DSCAM: variants seen among roughly 807,000 people sequenced by gnomAD.
The protein encoded by DSCAM is cell adhesion molecule DSCAM.
DSCAM carries 47 observed loss-of-function variants against 217.7 expected under a neutral mutation model. That is an observed-to-expected ratio of 0.22 (90% confidence interval 0.17 to 0.28). DSCAM has a LOEUF of 0.28. Among genes scored for constraint, DSCAM ranks in the 10% least tolerant of loss-of-function variants. The pLI, the probability that DSCAM is intolerant of heterozygous loss-of-function variation, is 1.00. For missense variants in DSCAM, 2,080 were observed against 2,618.3 expected, an observed-to-expected ratio of 0.79 and a Z score of 4.49; for synonymous variants, 1,056 against 1,015.3, an observed-to-expected ratio of 1.04 and a Z score of -0.76.
At chr21:40,410,646 C>T (rs990685025) in intron 3 of DSCAM, among the ~76,000 whole-genome samples, 1 of 150,610 alleles carries the variant, frequency 6.6e-6, no homozygotes, top group Admixed American at 6.6e-5. Context: ...GGTTAAATTA[C>T]GAACAAATGA....
At chr21:40,018,325 G>GTTAA (rs1486079606) in intron 32 of DSCAM, among the ~76,000 whole-genome samples, 23 of 151,830 alleles carry the variant, frequency 1.5e-4, no homozygotes, top group Admixed American at 5.9e-4. Context: ...TAAACAAATT[G>GTTAA]TTAATTTTAT....
chr21:40,759,959 ATT>A (rs1450155515), intron 1 of DSCAM, among the ~76,000 whole-genome samples: 1 of 1,066 alleles, frequency 9.4e-4, no homozygotes, highest in African/African-American at 8.9e-3. Context: ...ATACGTTTAC[ATT>A]TATTTATTTA....
At chr21:40,310,361 C>T (rs897146841) in intron 9 of DSCAM, among the ~76,000 whole-genome samples, 11 of 152,214 alleles carry the variant, frequency 7.2e-5, no homozygotes, top group African/African-American at 2.7e-4. Flanking sequence ...ACCACAGTCC[C>T]ACATCACCTT....
intron 3 of DSCAM, among the ~76,000 whole-genome samples, chr21:40,628,463 CTGTT>C (rs1390204939): frequency 1.3e-5 from 2 of 152,170 alleles, no homozygotes; most frequent in Admixed American, 6.5e-5. Flanking sequence ...AACCAGCTCA[CTGTT>C]TGTTTTTGTA....
chr21:40,186,532 A>G (rs1157111837), intron 14 of DSCAM, among the ~76,000 whole-genome samples: 2 of 152,128 alleles, frequency 1.3e-5, no homozygotes, highest in Admixed American at 6.5e-5. Context: ...GAATGGGCAC[A>G]CCTGCAGCGG....
At chr21:40,148,728 C>T (rs1456944964) in intron 16 of DSCAM, among the ~76,000 whole-genome samples, 2 of 152,024 alleles carry the variant, frequency 1.3e-5, no homozygotes, top group Non-Finnish European at 2.9e-5. Flanking sequence ...TCACTACTAC[C>T]ATCTTTACCA....
At chr21:40,286,836 A>G (rs1044478574) in intron 10 of DSCAM, among the ~76,000 whole-genome samples, 6 of 1,980 alleles carry the variant, frequency 3.0e-3, no homozygotes, top group African/African-American at 0.011. Flanking sequence ...TGTGATCTGC[A>G]GTATGATCTG....
intron 1 of DSCAM, among the ~76,000 whole-genome samples, chr21:40,790,692 T>A (rs1158914343): frequency 6.6e-6 from 1 of 152,162 alleles, no homozygotes; most frequent in African/African-American, 2.4e-5. Flanking sequence ...GAGAATGTTG[T>A]CTCTAGTGTA....
At chr21:40,828,633 C>A (rs891204810) in intron 1 of DSCAM, among the ~76,000 whole-genome samples, 1 of 149,936 alleles carries the variant, frequency 6.7e-6, no homozygotes, top group African/African-American at 2.5e-5. Flanking sequence ...CATCCTCCCT[C>A]AGGAACCAGG....
Position 40,176,053 on chromosome 21 carries a change from A to C in DSCAM, c.2947+2874T>G, listed in dbSNP as rs73362188. 1.3e-3 allele frequency among the ~76,000 whole-genome samples: 198 copies of C among 152,008 alleles called. 1 individual carries two copies. The highest frequency in any genetic ancestry group is 2.1e-3 in the Non-Finnish European group (140 of 67,974). On this transcript the variant is annotated intron_variant, in intron 15 of 32. Transcript: ENST00000400454. ...CATGAAGACATGATGATACACCTCA[A>C]AGGCTACTGTCAGCAAAATCCCTCC...
At chr21:40,381,019 T>C (rs149404271) in intron 3 of DSCAM, among the ~76,000 whole-genome samples, 18,705 of 132,580 alleles carry the variant, frequency 0.14, 1,426 homozygotes, top group Admixed American at 0.32. Flanking sequence ...GCCGAGATCG[T>C]GCCACTGCAC....
chr21:40,794,231 G>C (rs1308889505), intron 1 of DSCAM, among the ~76,000 whole-genome samples: 1 of 152,116 alleles, frequency 6.6e-6, no homozygotes, highest in Non-Finnish European at 1.5e-5. Flanking sequence ...TTTTTCAAGT[G>C]TTAAGCAATA....
chr21:40,221,611 A>G (rs899055682), intron 11 of DSCAM, among the ~76,000 whole-genome samples: 4 of 152,032 alleles, frequency 2.6e-5, no homozygotes, highest in African/African-American at 9.7e-5. Flanking sequence ...GATCAGAGCT[A>G]TTTTCAGAAT....
intron 18 of DSCAM, among the ~76,000 whole-genome samples, chr21:40,137,860 A>G (rs2090232281): frequency 6.6e-6 from 1 of 152,068 alleles, no homozygotes; most frequent in Admixed American, 6.5e-5. Context: ...CTGCCCACAC[A>G]CTCCAGTTGG....
intron 32 of DSCAM, among the ~76,000 whole-genome samples, chr21:40,030,070 A>C (rs1367921774): frequency 2.0e-5 from 3 of 152,252 alleles, no homozygotes; most frequent in Admixed American, 6.5e-5. Flanking sequence ...ATATGTTGAC[A>C]CACATGCACA....
At chr21:40,187,009 A>C (rs556475851) in intron 14 of DSCAM, 122 bp downstream of exon 14, 1 of 1,205,936 alleles carries the variant, frequency 8.3e-7, no homozygotes, top group African/African-American at 1.6e-5. Context: ...GACTGGGGGA[A>C]GTGGTGCCCT....
intron 16 of DSCAM, among the ~76,000 whole-genome samples, chr21:40,157,999 T>C (rs879536178): frequency 2.0e-5 from 3 of 152,194 alleles, no homozygotes; most frequent in Admixed American, 2.0e-4. Context: ...TAGCCTCTTA[T>C]CTATTTTTGG....
intron 3 of DSCAM, among the ~76,000 whole-genome samples, chr21:40,417,338 G>A (rs963745285): frequency 2.0e-5 from 3 of 151,998 alleles, no homozygotes; most frequent in Non-Finnish European, 2.9e-5. Flanking sequence ...CCATTAACTC[G>A]TCATTTACAG....
chr21:40,196,528 C>T (rs1373640956), intron 11 of DSCAM, among the ~76,000 whole-genome samples: 4 of 152,120 alleles, frequency 2.6e-5, no homozygotes, highest in African/African-American at 7.2e-5. Context: ...CAACTCAATC[C>T]GATGATCCCC....
Sources: gnomAD v4.1 joint callset for allele counts (sites outside exome capture counted in the v4.1 genomes callset) on GRCh38, gnomAD v4.1.1 for gene constraint, MANE v1.5 for transcripts, NCBI Gene and HGNC (gene_info 2026-07-23, HGNC 2026-07-21) for gene names.